The following IPCEF1 variants were observed in gnomAD, a reference collection of about 807,000 sequenced individuals.
The protein encoded by IPCEF1 is interactor protein for cytohesin exchange factors 1.
Under a neutral mutation model 50.9 loss-of-function variants are expected in IPCEF1, and 31 were observed. The ratio of observed to expected loss-of-function variants is 0.61; its 90% CI spans 0.46 to 0.82. The LOEUF (loss-of-function observed/expected upper bound fraction) is 0.82, where lower values mean the gene tolerates loss of function less well. IPCEF1 is among the 40% of genes least tolerant of loss of function. The probability of loss-of-function intolerance (pLI) is 0.00; values close to 1 mark genes in which losing one functional copy is unlikely to be tolerated. For synonymous variants in IPCEF1, 181 were observed against 192.0 expected, an observed-to-expected ratio of 0.94 and a Z score of 0.47; for missense variants, 458 against 514.0, an observed-to-expected ratio of 0.89 and a Z score of 1.05.
rs551667813 is a variant in IPCEF1 at position 154,296,378 on chromosome 6, C to T, written c.-61-6622G>A. Among the ~76,000 whole-genome samples the T allele has an allele frequency of 1.6e-4, 25 of 152,270 alleles. No homozygotes were observed. The South Asian group carries it at 4.1e-3, about 25-fold the overall frequency. Reference sequence around the variant, plus strand: ...CTTCTCTGCTTCTCCTAGAGGCCAGCGCCACATCTTTTCACCTGTTTAGCC... The same window carrying T: ...CTTCTCTGCTTCTCCTAGAGGCCAGTGCCACATCTTTTCACCTGTTTAGCC... On this transcript the variant is annotated intron_variant, in intron 1 of 11. Transcript: ENST00000367220.
At chr6:154,166,458 C>T (rs181080062) in intron 11 of IPCEF1, among the ~76,000 whole-genome samples, 2 of 152,198 alleles carry the variant, frequency 1.3e-5, no homozygotes, top group Non-Finnish European at 2.9e-5. Context: ...GCTTATTATC[C>T]GTTGACAGAC....
chr6:154,246,832 T>C (rs1490773976), intron 4 of IPCEF1, 72 bp from the exon 5 acceptor site: 1 of 1,462,348 alleles, frequency 6.8e-7, no homozygotes, highest in Admixed American at 2.2e-5. Context: ...TCCTGATTTA[T>C]GTGACAGAGT....
intron 2 of IPCEF1, among the ~76,000 whole-genome samples, chr6:154,269,934 T>C (rs1004575347): frequency 1.3e-5 from 2 of 152,176 alleles, no homozygotes; most frequent in Admixed American, 6.5e-5. Flanking sequence ...TCCAAGGTTT[T>C]GATGAAAATA....
chr6:154,225,521 A>G (rs6926178), intron 5 of IPCEF1, among the ~76,000 whole-genome samples: 4,232 of 152,336 alleles, frequency 0.028, 206 homozygotes, highest in African/African-American at 0.097. Flanking sequence ...TTCAATTTAT[A>G]TGAAATATCC....
chr6:154,192,346 GTGTGTGTA>G (rs1373963160), intron 10 of IPCEF1, among the ~76,000 whole-genome samples: 1 of 151,386 alleles, frequency 6.6e-6, no homozygotes, highest in African/African-American at 2.4e-5. Context: ...GTGTGTGTGT[GTGTGTGTA>G]TGCATGTGTG....
Position 154,191,401 on chromosome 6 carries a change from C to T in IPCEF1, c.910+8267G>A, listed in dbSNP as rs78770584. 7.0e-3 allele frequency among the ~76,000 whole-genome samples: 1,062 copies of T among 152,090 alleles called. 36 individuals are homozygous for T. The East Asian group carries it at 0.087, about 12-fold the overall frequency. ...TAAAGAGTGAACCCCATGCCAGGCGCGGTGGCTCACGTCTGTAATCCCAGC... is the reference window on the plus strand; with the variant it reads ...TAAAGAGTGAACCCCATGCCAGGCGTGGTGGCTCACGTCTGTAATCCCAGC... On this transcript the variant is annotated intron_variant, in intron 10 of 11. Coordinates refer to ENST00000367220, the MANE Select transcript of IPCEF1 (RefSeq NM_001130700.2).
At chr6:154,282,457 C>T (rs966874187) in intron 2 of IPCEF1, among the ~76,000 whole-genome samples, 49 of 152,090 alleles carry the variant, frequency 3.2e-4, no homozygotes, top group African/African-American at 6.3e-4. Flanking sequence ...CCAAGGTGGG[C>T]GGATCACGAG....
At chr6:154,172,540 GCACA>G (rs1799959354) in intron 10 of IPCEF1, among the ~76,000 whole-genome samples, 4 of 152,324 alleles carry the variant, frequency 2.6e-5, no homozygotes, top group African/African-American at 9.6e-5. Flanking sequence ...CTTGCTGCTA[GCACA>G]GCAGTCTGAG....
At chr6:154,183,283 T>C (rs377650320) in intron 10 of IPCEF1, among the ~76,000 whole-genome samples, 2 of 152,190 alleles carry the variant, frequency 1.3e-5, no homozygotes, top group Middle Eastern at 3.2e-3. Flanking sequence ...CCAGCCACCT[T>C]TATCTTTTCA....
At chr6:154,295,551 G>C (rs143062131) in intron 1 of IPCEF1, among the ~76,000 whole-genome samples, 1,538 of 152,162 alleles carry the variant, frequency 0.01, 13 homozygotes, top group Non-Finnish European at 0.016. Context: ...GCATTGCTTG[G>C]GGAACAGAGA....
intron 3 of IPCEF1, among the ~76,000 whole-genome samples, chr6:154,250,335 A>G (rs909939253): frequency 2.6e-5 from 4 of 151,952 alleles, no homozygotes; most frequent in Non-Finnish European, 5.9e-5. Context: ...TGCTATCATC[A>G]TAAATATTCA....
intron 5 of IPCEF1, among the ~76,000 whole-genome samples, chr6:154,232,932 A>C (rs1181420355): frequency 6.6e-6 from 1 of 151,466 alleles, no homozygotes; most frequent in Non-Finnish European, 1.5e-5. Flanking sequence ...AGAAGGAATG[A>C]CCCAGAAATT....
At chr6:154,354,427 A>ACCTCCACCATCTCCTCCACCACCT (rs1562300296) in intron 1 of IPCEF1, among the ~76,000 whole-genome samples, 8 of 145,056 alleles carry the variant, frequency 5.5e-5, no homozygotes, top group African/African-American at 2.0e-4. Flanking sequence ...CTCCACCACC[A>ACCTCCACCATCTCCTCCACCACCT]CCTCCACCAT....
At chr6:154,294,055 G>T (rs1782577115) in intron 1 of IPCEF1, among the ~76,000 whole-genome samples, 1 of 152,024 alleles carries the variant, frequency 6.6e-6, no homozygotes, top group Admixed American at 6.6e-5. Context: ...TTATGTCTTT[G>T]AACATGAGTT....
At chr6:154,166,438 T>C (rs1166424149) in intron 11 of IPCEF1, among the ~76,000 whole-genome samples, 1 of 152,212 alleles carries the variant, frequency 6.6e-6, no homozygotes, top group Non-Finnish European at 1.5e-5. Context: ...TCTCCCAACG[T>C]GGAACTACAG....
At chr6:154,223,711 T>C (rs191811801) in intron 5 of IPCEF1, among the ~76,000 whole-genome samples, 14 of 152,336 alleles carry the variant, frequency 9.2e-5, no homozygotes, top group Non-Finnish European at 1.9e-4. Context: ...CTATCATGGA[T>C]TGACCACTTA....
intron 9 of IPCEF1, among the ~76,000 whole-genome samples, chr6:154,201,788 G>A (rs987303864): frequency 3.3e-5 from 5 of 152,260 alleles, no homozygotes; most frequent in South Asian, 2.1e-4. Flanking sequence ...CCAGCTACTC[G>A]GGAAGCTGAG....
chr6:154,178,765 G>A (rs1001097919), intron 10 of IPCEF1, among the ~76,000 whole-genome samples: 1 of 152,136 alleles, frequency 6.6e-6, no homozygotes, highest in East Asian at 1.9e-4. Context: ...GATTAAAGCT[G>A]TTCAGAAAAT....
At chr6:154,282,396 G>C (rs1331235808) in intron 2 of IPCEF1, among the ~76,000 whole-genome samples, 1 of 152,054 alleles carries the variant, frequency 6.6e-6, no homozygotes, top group African/African-American at 2.4e-5. Flanking sequence ...GAAGTAGATG[G>C]ATCAGGCAGG....
Sources: allele counts gnomAD v4.1 joint callset (sites outside exome capture counted in the v4.1 genomes callset), GRCh38; gene constraint gnomAD v4.1.1; transcripts MANE v1.5; gene names NCBI Gene and HGNC (gene_info 2026-07-23, HGNC 2026-07-21).